The following BCAT1 variants were observed in gnomAD, a reference collection of about 807,000 sequenced individuals.
BCAT1 encodes the protein branched chain amino acid transaminase 1.
BCAT1 carries 48 observed loss-of-function variants against 52.4 expected under a neutral mutation model. The ratio of observed to expected loss-of-function variants is 0.92; its 90% CI spans 0.73 to 1.16. The LOEUF is 1.16. Ranked by LOEUF, BCAT1 falls within the 50% of genes most tolerant of loss-of-function variation. BCAT1 has a pLI of 0.00. For synonymous variants in BCAT1, 167 were observed against 161.3 expected (o/e 1.04, Z -0.27); for missense variants, 451 against 457.1 (o/e 0.99, Z 0.12).
At chr12:24,832,598 C>T in intron 9 of BCAT1, 125 bp downstream of exon 9, 2 of 1,190,826 alleles carry the variant, frequency 1.7e-6, no homozygotes, top group East Asian at 2.6e-5. Context: ...TAAAGAAAAA[C>T]AACAACAACG....
intron 10 of BCAT1, among the ~76,000 whole-genome samples, chr12:24,821,605 G>A (rs1033319782): frequency 3.9e-5 from 6 of 152,094 alleles, no homozygotes; most frequent in African/African-American, 1.2e-4. Flanking sequence ...TACATGTTTT[G>A]CTCTTTAGTA....
rs900818884 is a variant in BCAT1, at chr12:24,816,541, C to T, written c.*1467G>A. 2 of 397,204 alleles carry T rather than the reference C, an allele frequency of 5.0e-6. No homozygotes were observed. Among genetic ancestry groups the T allele is most frequent in the East Asian group, 7.1e-5 (2 of 28,018 alleles). 24.6% of individuals were successfully genotyped at this position (397,204 alleles called of 1,614,324 possible). A position where few individuals can be genotyped will look rare whatever the true frequency, so the allele number is the denominator to read the frequency against. On this transcript the variant is annotated 3_prime_UTR_variant, in exon 11 of 11. Coordinates refer to ENST00000261192, the MANE Select transcript of BCAT1 (RefSeq NM_005504.7). ...AAATCTCCATTCAAAGAAAAGAGCA[C>T]CTGCAAAAACAGAGTATAAAAATCA...
chr12:24,877,511 G>A (rs1032456324), intron 5 of BCAT1, among the ~76,000 whole-genome samples: 3 of 152,162 alleles, frequency 2.0e-5, no homozygotes, highest in African/African-American at 7.2e-5. Context: ...GACCCACCAG[G>A]AAATCATAAG....
chr12:24,864,165 T>C (rs1308236285), intron 5 of BCAT1, among the ~76,000 whole-genome samples: 1 of 152,184 alleles, frequency 6.6e-6, no homozygotes, highest in African/African-American at 2.4e-5. Context: ...TGCTAATGCC[T>C]TCTCTAAGTG....
chr12:24,863,298 C>T (rs1232209006), intron 5 of BCAT1, among the ~76,000 whole-genome samples: 2 of 152,036 alleles, frequency 1.3e-5, no homozygotes, highest in Admixed American at 6.6e-5. Context: ...CGCCAGGGCT[C>T]GATATTTTTA....
intron 6 of BCAT1, among the ~76,000 whole-genome samples, chr12:24,842,821 C>T (rs1230273203): frequency 3.3e-5 from 5 of 152,280 alleles, no homozygotes; most frequent in Middle Eastern, 3.4e-3. Flanking sequence ...CTATTTTTCT[C>T]AGCCTGCACC....
chr12:24,890,594 A>G (rs888274646), intron 3 of BCAT1, among the ~76,000 whole-genome samples: 5 of 152,168 alleles, frequency 3.3e-5, no homozygotes, highest in African/African-American at 1.2e-4. Context: ...CACTCCTACC[A>G]GTGTCACGAC....
At chr12:24,839,144 AAAC>A (rs1189314349) in intron 7 of BCAT1, among the ~76,000 whole-genome samples, 2 of 152,216 alleles carry the variant, frequency 1.3e-5, no homozygotes, top group African/African-American at 4.8e-5. Flanking sequence ...ACACAGGGGG[AAAC>A]AAAGAAGGAA....
intron 1 of BCAT1, among the ~76,000 whole-genome samples, chr12:24,916,179 C>A (rs1318185485): frequency 6.6e-6 from 1 of 152,108 alleles, no homozygotes; most frequent in Non-Finnish European, 1.5e-5. Context: ...ACTCTTGAAG[C>A]AATGAAGCCA....
At chr12:24,915,367 G>A (rs1943391482) in intron 1 of BCAT1, among the ~76,000 whole-genome samples, 1 of 151,962 alleles carries the variant, frequency 6.6e-6, no homozygotes, top group African/African-American at 2.4e-5. Context: ...ATATCTTGGT[G>A]GGCAAGAGAA....
At chr12:24,836,736 AT>A (rs1444668129) in intron 7 of BCAT1, 140 bp from the exon 8 acceptor site, 19 of 653,512 alleles carry the variant, frequency 2.9e-5, no homozygotes, top group Non-Finnish European at 4.8e-5. Flanking sequence ...GCATGATCAA[AT>A]TTCCCAAATC....
chr12:24,831,947 T>A lies in BCAT1; in HGVS notation c.1044+776A>T, dbSNP rs979119052. 2.0e-5 allele frequency among the ~76,000 whole-genome samples: 3 copies of A among 152,190 alleles called. No individual in the cohort carries two copies. In the South Asian group the frequency reaches 6.2e-4, roughly 32 times the overall value. ...GAGAACATTTCTTCCAACCAAATCC[T>A]CAAATTCCTTTTGTAAGATTTTAGT... On this transcript the variant is annotated intron_variant, in intron 9 of 10. Transcript: ENST00000261192.
Position 24,842,101 on chromosome 12 carries a change from G to A in BCAT1, c.798C>T (p.Tyr266=), listed in dbSNP as rs753416821. Residue 266 remains tyrosine (Y), a synonymous_variant, in exon 7 of 11, where the codon TAC becomes TAT. Coordinates refer to ENST00000261192, the MANE Select transcript of BCAT1 (RefSeq NM_005504.7). ...GATTACCTCCATCTTCATTTATCCA[G>A]TAAAGAAAAAGATTCATAGTTCCCA... The part of the protein sequence containing the change: ...TEVGTMNLFL[Y]WINEDGEEEL... 1 of 1,613,738 alleles carries A rather than the reference G, an allele frequency of 6.2e-7. No individual in the cohort carries two copies. The highest frequency in any genetic ancestry group is 8.5e-7 in the Non-Finnish European group (1 of 1,179,776).
chr12:24,816,314 T>C lies in BCAT1; in HGVS notation c.*1694A>G, dbSNP rs1939873854. The C allele has an allele frequency of 2.5e-6, 1 of 392,332 alleles. No individual in the cohort carries two copies. 24.3% of individuals were successfully genotyped at this position (392,332 alleles called of 1,614,324 possible). Reference sequence around the variant, plus strand: ...CCTTCTCTGAAAAGAGAATAAAATATGTTCAGCAAGAAGGAAGTTATGAGG... The same window carrying C: ...CCTTCTCTGAAAAGAGAATAAAATACGTTCAGCAAGAAGGAAGTTATGAGG... On this transcript the variant is annotated 3_prime_UTR_variant, in exon 11 of 11. Transcript: ENST00000261192.
rs900184262 is a variant in BCAT1 at position 24,901,700 on chromosome 12, A to G, written c.78+114T>C. ...AGTGGAATTTTAAAAGTCTGGCAAC[A>G]CAACCTAGGAACTGGGTAACCCACA... is the stretch of plus-strand genomic sequence containing the variant. On this transcript the variant is annotated intron_variant, in intron 2 of 10. Coordinates refer to ENST00000261192, the MANE Select transcript of BCAT1 (RefSeq NM_005504.7). 1.5e-5 allele frequency: 16 copies of G among 1,101,818 alleles called. No individual in the cohort carries two copies. In the African/African-American group the frequency reaches 2.2e-4, roughly 15 times the overall value. The allele number at this position is 1,101,818 out of a possible 1,614,324, so 68.3% of individuals were successfully genotyped here.
At chr12:24,943,755 C>A (rs529950393) in intron 1 of BCAT1, among the ~76,000 whole-genome samples, 6 of 152,142 alleles carry the variant, frequency 3.9e-5, no homozygotes, top group Non-Finnish European at 7.4e-5. Context: ...GTGGCCGAGG[C>A]GGGCAGATCA....
rs1350484629 is a variant in BCAT1 at position 24,948,918 on chromosome 12, A to G, written c.6+9T>C. 2 of 1,596,878 alleles carry G rather than the reference A, an allele frequency of 1.3e-6. No homozygotes were observed. Among genetic ancestry groups the G allele is most frequent in the Non-Finnish European group, 1.7e-6 (2 of 1,171,526 alleles). On this transcript the variant is annotated intron_variant, in intron 1 of 10. Transcript: ENST00000261192. ...TTTGTAAAACACGGACAAAACCATA[A>G]GTAGTTACCTTCATTGTTCCGTCGG...
chr12:24,861,898 G>A (rs1941857636), intron 5 of BCAT1, among the ~76,000 whole-genome samples: 1 of 152,152 alleles, frequency 6.6e-6, no homozygotes, highest in Non-Finnish European at 1.5e-5. Flanking sequence ...ATTGACCTCT[G>A]GTCATCCTCA....
At chr12:24,854,016 C>G (rs146480953) in intron 5 of BCAT1, among the ~76,000 whole-genome samples, 1,740 of 152,312 alleles carry the variant, frequency 0.011, 16 homozygotes, top group Non-Finnish European at 0.019. Flanking sequence ...ACTTCACGAG[C>G]TATACCTCAC....
Sources: gnomAD v4.1 joint callset for allele counts (sites outside exome capture counted in the v4.1 genomes callset) on GRCh38, gnomAD v4.1.1 for gene constraint, MANE v1.5 for transcripts, NCBI Gene and HGNC (gene_info 2026-07-23, HGNC 2026-07-21) for gene names.